The following MFAP3L variants were observed in gnomAD, a reference collection of about 807,000 sequenced individuals.
The protein encoded by MFAP3L is microfibrillar-associated protein 3-like.
A neutral mutation model predicts 20.0 loss-of-function variants in MFAP3L; 5 were observed. The observed-to-expected ratio is 0.25, with a 90% CI of 0.13 to 0.53. MFAP3L has a LOEUF of 0.53. Ranked by LOEUF, MFAP3L falls within the 20% of genes least tolerant of loss-of-function variation. The probability of loss-of-function intolerance (pLI) is 0.96; values close to 1 mark genes in which losing one functional copy is unlikely to be tolerated. For synonymous variants in MFAP3L, 219 were observed against 213.0 expected, an observed-to-expected ratio of 1.03 and a Z score of -0.25; for missense variants, 409 against 527.5, an observed-to-expected ratio of 0.78 and a Z score of 2.20.
chr4:170,023,504 C>T (rs1740163207), intron 1 of MFAP3L, among the ~76,000 whole-genome samples: 1 of 152,186 alleles, frequency 6.6e-6, no homozygotes, highest in South Asian at 2.1e-4. Context: ...ATCTTTCAAC[C>T]ATGCCAGGGA....
chr4:170,024,895 T>C (rs1740255818), intron 1 of MFAP3L, among the ~76,000 whole-genome samples: 1 of 152,224 alleles, frequency 6.6e-6, no homozygotes, highest in Non-Finnish European at 1.5e-5. Flanking sequence ...AATGCATTTC[T>C]AAAGTCTATT....
At chr4:170,026,731 C>T (rs530846208), upstream of MFAP3L, 1 of 152,428 alleles carries the variant, frequency 6.6e-6, no homozygotes, top group Admixed American at 6.5e-5. Flanking sequence ...TCTCTCCCGC[C>T]CGGGGCTTCC....
chr4:169,992,847 GAAGT>G lies in MFAP3L; in HGVS notation c.299-542_299-539del, dbSNP rs547562274. 4.3e-4 allele frequency among the ~76,000 whole-genome samples: 66 copies of G among 152,296 alleles called. No individual in the cohort carries two copies. The highest frequency in any genetic ancestry group is 1.5e-3 in the African/African-American group (64 of 41,556). On this transcript the variant is annotated intron_variant, in intron 2 of 2. Coordinates refer to ENST00000361618, the MANE Select transcript of MFAP3L (RefSeq NM_021647.8). The surrounding 1 kb of genome is among the most constrained non-coding windows in gnomAD (Gnocchi z 4.3). ...ACCTGAGTTTCTCAAATTTAAGATT[GAAGT>G]AATCCTTGTATGATCTCAGTTAATT...
chr4:170,005,435 G>GAT, intron 2 of MFAP3L, 145 bp downstream of exon 2: 1 of 915,086 alleles, frequency 1.1e-6, no homozygotes. Context: ...AATCCTTAAG[G>GAT]ATATATATTC....
Position 169,991,785 on chromosome 4 carries a change from G to T in MFAP3L, c.823C>A (p.Pro275Thr), listed in dbSNP as rs1464054654. 1 of 1,614,094 alleles carries T rather than the reference G, an allele frequency of 6.2e-7. No homozygotes were observed. The highest frequency in any genetic ancestry group is 8.5e-7 in the Non-Finnish European group (1 of 1,180,022). ...CTGTCTGCGGCCTCCTGGCCCTCTG[G>T]AGTATGCCTCACAAAATTCTGCCCC... ...EQGQNFVRHT[P>T]EGQEAADRDE... The change falls in exon 3 of 3, where the codon CCA becomes ACA. Residue 275 changes from proline (P) to threonine (T), a missense_variant. Around this residue, in one of 3 missense-constraint regions of MFAP3L, gnomAD observed 169 missense variants for 178.2 expected, o/e 0.95. Transcript: ENST00000361618. This position sits in a 1 kb window ranked among gnomAD's most constrained non-coding sequence, Gnocchi z 4.9.
intron 1 of MFAP3L, among the ~76,000 whole-genome samples, chr4:170,007,200 C>T (rs1739094419): frequency 1.3e-5 from 2 of 152,106 alleles, no homozygotes; most frequent in Admixed American, 1.3e-4. Flanking sequence ...TCCATAAACC[C>T]CACTAAACTG....
Position 170,005,765 on chromosome 4 carries a change from C to T in MFAP3L, c.113G>A (p.Gly38Asp), listed in dbSNP as rs1356456863. The change falls in exon 2 of 3, where the codon GGC becomes GAC. Residue 38 changes from glycine to aspartate, a missense_variant. Gly to Asp is a moderately conservative substitution (Grantham distance 94). Coordinates refer to ENST00000361618, the MANE Select transcript of MFAP3L (RefSeq NM_021647.8). ...AKSVTNSTLN[G>D]TNVVLGSVPV... The stretch of plus-strand genomic sequence containing the variant: ...CACAGAGCCCAAGACCACGTTAGTG[C>T]CATTTAAAGTGCTGTTAGTCACACT... 1 of 1,614,220 alleles carries T rather than the reference C, an allele frequency of 6.2e-7. No individual in the cohort carries two copies. The highest frequency in any genetic ancestry group is 2.2e-5 in the East Asian group (1 of 44,880).
At chr4:170,009,516 T>C (rs987998377) in intron 1 of MFAP3L, among the ~76,000 whole-genome samples, 4 of 151,984 alleles carry the variant, frequency 2.6e-5, no homozygotes, top group African/African-American at 9.7e-5. Context: ...CCCTAAGTAC[T>C]ATAATCCAGC....
At chr4:170,026,484 G>A (rs371509940), upstream of MFAP3L, 284 of 169,930 alleles carry the variant, frequency 1.7e-3, 2 homozygotes, top group East Asian at 0.013. Flanking sequence ...GCGCGGAGGC[G>A]CGGGTGTAGC....
At chr4:170,016,096 A>G (rs937966791) in intron 1 of MFAP3L, among the ~76,000 whole-genome samples, 6 of 152,258 alleles carry the variant, frequency 3.9e-5, no homozygotes, top group African/African-American at 1.4e-4. Context: ...AGCACCATGC[A>G]TTCATTACTT....
intron 1 of MFAP3L, among the ~76,000 whole-genome samples, chr4:170,021,676 T>A (rs182726654): frequency 1.3e-5 from 2 of 152,290 alleles, no homozygotes; most frequent in East Asian, 3.9e-4. Flanking sequence ...TCAGTTTAGG[T>A]TTTCTGGACA....
chr4:170,025,373 G>C (rs1740286830), intron 1 of MFAP3L, among the ~76,000 whole-genome samples: 1 of 152,152 alleles, frequency 6.6e-6, no homozygotes, highest in Admixed American at 6.5e-5. Context: ...ACATTAAATC[G>C]AAGATAACGC....
intron 2 of MFAP3L, chr4:169,997,869 T>C (rs750660111): frequency 3.4e-5 from 32 of 933,934 alleles, no homozygotes; most frequent in South Asian, 5.0e-5. Context: ...CTGCAGGTAG[T>C]TGTCAGGCTG....
chr4:169,999,935 C>G (rs1738496266), intron 2 of MFAP3L, among the ~76,000 whole-genome samples: 1 of 152,196 alleles, frequency 6.6e-6, no homozygotes, highest in African/African-American at 2.4e-5. Flanking sequence ...GCAATGTAGG[C>G]TGTTTAGCAG....
intron 1 of MFAP3L, among the ~76,000 whole-genome samples, chr4:170,011,044 C>A (rs150336886): frequency 3.3e-5 from 5 of 152,248 alleles, no homozygotes; most frequent in Admixed American, 2.0e-4. Flanking sequence ...CTCACGAGAT[C>A]TAACGGTTTT....
intron 2 of MFAP3L, among the ~76,000 whole-genome samples, chr4:170,004,386 T>C (rs1043410311): frequency 8.5e-5 from 13 of 152,172 alleles, no homozygotes; most frequent in Non-Finnish European, 1.5e-5. Flanking sequence ...TCTCCTAGGT[T>C]AAACGCGATT....
intron 1 of MFAP3L, among the ~76,000 whole-genome samples, chr4:170,007,523 C>T (rs17055381): frequency 0.14 from 21,167 of 152,114 alleles, 3,813 homozygotes; most frequent in African/African-American, 0.41. Flanking sequence ...CAAATGTATA[C>T]CAAACACCTA....
chr4:170,007,711 A>C lies in MFAP3L; in HGVS notation c.-133-1701T>G, dbSNP rs1469865839. On this transcript the variant is annotated intron_variant, in intron 1 of 2. Transcript: ENST00000361618. Reference sequence around the variant, plus strand: ...TGACTTTCAGCACTGGGTCCTTTGCAGGGGCTCAAGTCTGAGAATGCATGA... The same window carrying C: ...TGACTTTCAGCACTGGGTCCTTTGCCGGGGCTCAAGTCTGAGAATGCATGA... Among the ~76,000 whole-genome samples, 3 of 152,152 alleles carry C rather than the reference A, an allele frequency of 2.0e-5. No homozygotes were observed. In the East Asian group the frequency reaches 5.8e-4, roughly 29 times the overall value.
rs1054966280 is a variant in MFAP3L, at chr4:169,989,755, C to T, written c.*1623G>A. ...CCCATTACCTGATGTGGCCACGGCCCCTATGAATTTATTAAGATTACTGTC... is the reference window on the plus strand; with the variant it reads ...CCCATTACCTGATGTGGCCACGGCCTCTATGAATTTATTAAGATTACTGTC... On this transcript the variant is annotated 3_prime_UTR_variant, in exon 3 of 3. Transcript: ENST00000361618. 12 of 152,008 alleles carry T rather than the reference C, an allele frequency of 7.9e-5. No individual in the cohort carries two copies. Among genetic ancestry groups the T allele is most frequent in the Non-Finnish European group, 1.6e-4 (11 of 67,996 alleles). The allele number at this position is 152,008 out of a possible 1,614,324, so 9.4% of individuals were successfully genotyped here.
Sources: allele counts gnomAD v4.1 joint callset (sites outside exome capture counted in the v4.1 genomes callset), GRCh38; gene constraint gnomAD v4.1.1; regional missense constraint gnomAD v4.1.1; non-coding constraint Gnocchi (gnomAD v3.1); transcripts MANE v1.5; gene names NCBI Gene and HGNC (gene_info 2026-07-23, HGNC 2026-07-21).